Variants in REC8 observed in about 807,000 individuals in gnomAD.
The protein encoded by REC8 is REC8 meiotic recombination protein, also known as meiotic recombination protein REC8 homolog.
In REC8, 42 loss-of-function variants were observed where a neutral mutation model predicts 78.3. The ratio of observed to expected loss-of-function variants is 0.54; its 90% CI spans 0.42 to 0.69. The LOEUF (loss-of-function observed/expected upper bound fraction) is 0.69. Ranked by LOEUF, REC8 falls within the 30% of genes least tolerant of loss-of-function variation. REC8 has a pLI of 0.00. For synonymous variants in REC8, 268 were observed against 274.1 expected, an observed-to-expected ratio of 0.98 and a Z score of 0.22; for missense variants, 581 against 715.8, an observed-to-expected ratio of 0.81 and a Z score of 2.15.
intron 7 of REC8, 25 bp from the exon 8 acceptor site, chr14:24,177,116 C>T: frequency 2.5e-6 from 4 of 1,606,646 alleles, no homozygotes; most frequent in Non-Finnish European, 2.6e-6. Flanking sequence ...TGAATCCCCT[C>T]CCCTTGCTCT....
downstream of REC8, chr14:24,180,674 G>A (rs1366011428): frequency 1.2e-6 from 2 of 1,613,976 alleles, no homozygotes; most frequent in Non-Finnish European, 1.7e-6. Context: ...CCCTGCCTAT[G>A]ACTCCTACCC....
intron 6 of REC8, 57 bp from the exon 7 acceptor site, chr14:24,176,765 A>G: frequency 7.3e-7 from 1 of 1,377,040 alleles, no homozygotes; most frequent in Non-Finnish European, 1.0e-6. Context: ...CCTTAACTGC[A>G]TGGCTGTGGG....
At position 24,178,830 on chromosome 14, in the gene REC8, C is replaced by T. The variant is rs2039024299; in HGVS notation, c.1117C>T (p.Pro373Ser). 1 of 1,613,694 alleles carries T rather than the reference C, an allele frequency of 6.2e-7. No individual in the cohort carries two copies. The highest frequency in any genetic ancestry group is 1.7e-5 in the Admixed American group (1 of 59,990). The part of the protein sequence containing the change: ...LGLWTHCAQP[P>S]PKALRRELPE... ...TCTCTGGACCCATTGTGCCCAGCCA[C>T]CCCCAAAAGCCCTCAGGCGAGAGCT... Residue 373 changes from proline (P) to serine (S), a missense_variant, in exon 14 of 19, where the codon CCC (proline) becomes TCC (serine). Coordinates refer to ENST00000611366, the MANE Select transcript of REC8 (RefSeq NM_001048205.2).
At chr14:24,180,463 C>T (rs2273912), downstream of REC8, 172,136 of 1,611,746 alleles carry the variant, frequency 0.11, 10,590 homozygotes, top group Admixed American at 0.28. Flanking sequence ...CCAGTACAGC[C>T]TGGAGCTCCT....
At chr14:24,180,304 T>C, downstream of REC8, 1 of 1,510,186 alleles carries the variant, frequency 6.6e-7, no homozygotes, top group Non-Finnish European at 8.9e-7. Flanking sequence ...GGGACAGCCC[T>C]GTAAGGCAGC....
intron 12 of REC8, 120 bp downstream of exon 12, chr14:24,178,342 A>C (rs2038996099): frequency 1.1e-6 from 1 of 951,182 alleles, no homozygotes; most frequent in Admixed American, 2.4e-5. Context: ...ACTTGATGAA[A>C]AATCTCCTCC....
At chr14:24,173,466 C>T (rs2038757041) in intron 5 of REC8, 55 bp downstream of exon 5, 1 of 1,601,638 alleles carries the variant, frequency 6.2e-7, no homozygotes, top group Non-Finnish European at 8.5e-7. Flanking sequence ...GGAGTGCTGT[C>T]CCTGTGTCAC....
In REC8 at chr14:24,175,584, A is replaced by G; in HGVS notation, c.504A>G (p.Glu168=). Residue 168 remains glutamate, a synonymous_variant, in exon 6 of 19, where the codon GAA becomes GAG. Transcript: ENST00000611366. ...AGGCTGCAATCCCAGAGAGAGTTGA[A>G]GAGATCCCTCCTGAAGTTCCTACAG... ...LLEAAIPERV[E]EIPPEVPTEP... 1 of 1,614,102 alleles carries G rather than the reference A, an allele frequency of 6.2e-7. No homozygotes were observed. Among genetic ancestry groups the G allele is most frequent in the Non-Finnish European group, 8.5e-7 (1 of 1,179,972 alleles).
In REC8 at chr14:24,172,976, A is replaced by C. The variant is rs1217464603; in HGVS notation, c.203A>C (p.Tyr68Ser). 24 of 1,609,430 alleles carry C rather than the reference A, an allele frequency of 1.5e-5. No homozygotes were observed. The highest frequency in any genetic ancestry group is 4.0e-5 in the African/African-American group (3 of 74,922). The change falls in exon 3 of 19, where the codon TAT (tyrosine) becomes TCT (serine). Residue 68 changes from tyrosine (Y) to serine (S), a missense_variant. Physicochemically the swap from Tyr to Ser is moderately radical, Grantham distance 144. Coordinates refer to ENST00000611366, the MANE Select transcript of REC8 (RefSeq NM_001048205.2). ...PGLPRPRFSL[Y>S]LSAQLQIGVI... Reference sequence around the variant, plus strand: ...CTGCCGCGGCCCCGCTTCTCCCTCTATCTCTCAGCCCAACTTCAGATCGGT... The same window carrying C: ...CTGCCGCGGCCCCGCTTCTCCCTCTCTCTCTCAGCCCAACTTCAGATCGGT...
At chr14:24,174,877 C>T (rs1434863339) in intron 5 of REC8, among the ~76,000 whole-genome samples, 2 of 152,116 alleles carry the variant, frequency 1.3e-5, no homozygotes, top group African/African-American at 4.8e-5. Flanking sequence ...TACCCTTTGC[C>T]TTGACTCTTG....
intron 5 of REC8, among the ~76,000 whole-genome samples, chr14:24,174,987 T>C (rs972150684): frequency 6.7e-6 from 1 of 149,986 alleles, no homozygotes; most frequent in African/African-American, 2.5e-5. Flanking sequence ...AGGATAACGA[T>C]GCACTGCTGC....
intron 5 of REC8, 90 bp downstream of exon 5, chr14:24,173,501 A>G: frequency 3.2e-6 from 5 of 1,567,214 alleles, no homozygotes; most frequent in Non-Finnish European, 4.3e-6. Context: ...TGGGGAAGGA[A>G]GCTTACCACA....
downstream of REC8, chr14:24,180,695 G>A (rs774497938): frequency 1.2e-6 from 2 of 1,614,166 alleles, no homozygotes; most frequent in South Asian, 2.2e-5. Flanking sequence ...TCACCTGGTG[G>A]GATCTTGTTG....
intron 11 of REC8, 111 bp downstream of exon 11, chr14:24,177,869 T>A (rs892624155): frequency 1.3e-5 from 19 of 1,470,824 alleles, no homozygotes; most frequent in Non-Finnish European, 1.7e-5. Context: ...TTAATGCAGA[T>A]GATAAAAGAT....
chr14:24,176,915 C>A lies in REC8; in HGVS notation c.624+14C>A. 1 of 1,602,850 alleles carries A rather than the reference C, an allele frequency of 6.2e-7. No individual in the cohort carries two copies. The highest frequency in any genetic ancestry group is 8.5e-7 in the Non-Finnish European group (1 of 1,170,526). The stretch of plus-strand genomic sequence containing the variant: ...CTGGAGATTGAGGTGAGTTCCCCTG[C>A]ACACAGGGCCTGAGGTCCAGCCCCC... On this transcript the variant is annotated intron_variant, in intron 7 of 18. Transcript: ENST00000611366.
chr14:24,174,580 T>C (rs1334373954), intron 5 of REC8, among the ~76,000 whole-genome samples: 1 of 152,098 alleles, frequency 6.6e-6, no homozygotes, highest in Non-Finnish European at 1.5e-5. Context: ...GCCTGGCACA[T>C]ACCCCAGTTT....
chr14:24,177,667 G>A (rs1334121750), intron 10 of REC8, 42 bp from the exon 11 acceptor site: 10 of 1,598,020 alleles, frequency 6.3e-6, no homozygotes, highest in African/African-American at 4.1e-5. Context: ...TCTGCAAGGG[G>A]TAAGGGGCTT....
At chr14:24,177,900 G>C in intron 11 of REC8, 142 bp downstream of exon 11, 1 of 1,477,212 alleles carries the variant, frequency 6.8e-7, no homozygotes, top group African/African-American at 1.4e-5. Flanking sequence ...ACGCCCCATC[G>C]TATCTGGCCT....
intron 16 of REC8, 52 bp from the exon 17 acceptor site, chr14:24,179,543 C>T: frequency 3.7e-6 from 6 of 1,613,918 alleles, no homozygotes; most frequent in East Asian, 2.2e-5. Flanking sequence ...ATGGGTATGC[C>T]CCTTGTCACT....
Sources: gnomAD v4.1 joint callset for allele counts (sites outside exome capture counted in the v4.1 genomes callset) on GRCh38, gnomAD v4.1.1 for gene constraint, MANE v1.5 for transcripts, NCBI Gene and HGNC (gene_info 2026-07-23, HGNC 2026-07-21) for gene names.